The following MYO16 variants were observed in gnomAD, a reference collection of about 807,000 sequenced individuals.
MYO16 encodes the protein myosin XVI.
Under a neutral mutation model 205.3 loss-of-function variants are expected in MYO16, and 94 were observed. That is an observed-to-expected ratio of 0.46 (90% CI 0.39 to 0.54). The LOEUF (loss-of-function observed/expected upper bound fraction) is 0.54. Ranked by LOEUF, MYO16 falls within the 20% of genes least tolerant of loss-of-function variation. The pLI is 0.00. For missense variants in MYO16, 2,315 were observed against 2,387.5 expected (o/e 0.97, Z 0.63); for synonymous variants, 988 against 954.0 (o/e 1.04, Z -0.66).
At chr13:108,688,521 A>G (rs1237277873) in intron 2 of MYO16, among the ~76,000 whole-genome samples, 5 of 152,146 alleles carry the variant, frequency 3.3e-5, no homozygotes, top group Admixed American at 3.3e-4. Flanking sequence ...TACTCAAATG[A>G]TTACATGCTT....
chr13:108,706,561 A>G (rs895844711), intron 2 of MYO16, among the ~76,000 whole-genome samples: 3 of 152,240 alleles, frequency 2.0e-5, no homozygotes, highest in Admixed American at 6.5e-5. Context: ...CGTCTTCTCC[A>G]GTACCAGTGC....
At chr13:109,118,185 T>C (rs1202465086) in intron 28 of MYO16, among the ~76,000 whole-genome samples, 2 of 152,218 alleles carry the variant, frequency 1.3e-5, no homozygotes, top group African/African-American at 4.8e-5. Flanking sequence ...CTTTTTTCTC[T>C]AAAGCTGTTT....
intron 13 of MYO16, among the ~76,000 whole-genome samples, chr13:108,884,624 G>T (rs555565412): frequency 6.8e-6 from 1 of 147,866 alleles, no homozygotes; most frequent in African/African-American, 2.5e-5. Context: ...TGAGAAGGGC[G>T]TCAAGGTGGG....
chr13:108,539,042 A>G, the MYO16 span, among the ~76,000 whole-genome samples: 1 of 152,006 alleles, frequency 6.6e-6, no homozygotes, highest in Non-Finnish European at 1.5e-5. Flanking sequence ...TTTCCCTGTG[A>G]GATGCATCAC....
intron 33 of MYO16, among the ~76,000 whole-genome samples, chr13:109,173,837 G>C (rs1460640515): frequency 7.6e-6 from 1 of 130,956 alleles, no homozygotes; most frequent in East Asian, 2.6e-4. Flanking sequence ...GCAGTGAGCC[G>C]AGATCGCGCC....
chr13:108,496,018 C>T, the MYO16 span, among the ~76,000 whole-genome samples: 1 of 152,120 alleles, frequency 6.6e-6, no homozygotes, highest in Non-Finnish European at 1.5e-5. Flanking sequence ...GGCGCAGAGG[C>T]TGTTCTGCAC....
At position 109,141,184 on chromosome 13, in the gene MYO16, C is replaced by A. The variant is rs1346181369; in HGVS notation, c.4972C>A (p.Pro1658Thr). ...AGPCSSFPKI[P>T]YSPVKATRAD... ...GCCCTGCAGCTCCTTCCCCAAGATC[C>A]CATATTCCCCCGTGAAGGCCACCAG... The change falls in exon 32 of 35, where the codon CCA becomes ACA. Residue 1658 changes from proline (P) to threonine (T), a missense_variant. Physicochemically the swap from Pro to Thr is conservative, Grantham distance 38. This residue lies in a region of MYO16 where 1,097 missense variants were observed against 1,092.0 expected (regional missense o/e 1.00). Transcript: ENST00000457511. The surrounding 1 kb of genome is among the most constrained non-coding windows in gnomAD (Gnocchi z 4.1). The A allele has an allele frequency of 6.2e-7, 1 of 1,608,286 alleles. No homozygotes were observed. The highest frequency in any genetic ancestry group is 1.7e-5 in the Admixed American group (1 of 59,704).
chr13:108,623,138 G>T (rs572806384), intron 1 of MYO16, among the ~76,000 whole-genome samples: 19 of 152,236 alleles, frequency 1.2e-4, no homozygotes, highest in Non-Finnish European at 7.4e-5. Flanking sequence ...ATGCTTTTAT[G>T]TAATCACCAT....
intron 4 of MYO16, among the ~76,000 whole-genome samples, chr13:108,767,575 G>A (rs866174299): frequency 7.2e-5 from 11 of 152,200 alleles, no homozygotes; most frequent in African/African-American, 2.4e-4. Context: ...AGTATTCTGG[G>A]AATACCATTT....
intron 4 of MYO16, among the ~76,000 whole-genome samples, chr13:108,743,218 C>G (rs1566582279): frequency 6.6e-6 from 1 of 151,952 alleles, no homozygotes; most frequent in Non-Finnish European, 1.5e-5. Flanking sequence ...ACCAATGTTA[C>G]TGACTCATCT....
intron 27 of MYO16, among the ~76,000 whole-genome samples, chr13:109,084,229 G>C (rs531279415): frequency 2.7e-4 from 41 of 152,306 alleles, no homozygotes; most frequent in African/African-American, 9.4e-4. Context: ...CAATCATGTA[G>C]GGTGCAGTAG....
chr13:109,027,993 G>A (rs1886420262), intron 23 of MYO16, among the ~76,000 whole-genome samples: 1 of 151,998 alleles, frequency 6.6e-6, no homozygotes, highest in Admixed American at 6.6e-5. Flanking sequence ...AAAAAAAACA[G>A]AGTCAATTCT....
At chr13:109,085,693 T>C (rs556587185) in intron 27 of MYO16, among the ~76,000 whole-genome samples, 8 of 152,186 alleles carry the variant, frequency 5.3e-5, no homozygotes, top group Non-Finnish European at 1.2e-4. Context: ...AAAGACATGC[T>C]GGGAGAGCCA....
chr13:108,833,453 T>C (rs1407496819), intron 9 of MYO16, among the ~76,000 whole-genome samples: 1 of 152,184 alleles, frequency 6.6e-6, no homozygotes, highest in African/African-American at 2.4e-5. Context: ...AGGAGTAACG[T>C]TGAGAACTGT....
chr13:109,080,272 A>T (rs2139668228), intron 27 of MYO16, among the ~76,000 whole-genome samples: 1 of 152,274 alleles, frequency 6.6e-6, no homozygotes, highest in East Asian at 1.9e-4. Flanking sequence ...GATTATGTAT[A>T]CCACCTTTTC....
intron 4 of MYO16, among the ~76,000 whole-genome samples, chr13:108,735,002 C>T (rs776307450): frequency 1.1e-4 from 16 of 152,166 alleles, no homozygotes; most frequent in Non-Finnish European, 2.2e-4. Flanking sequence ...TAGAACCCCA[C>T]GCCACCACTC....
At chr13:109,009,369 A>G (rs1467376104) in intron 22 of MYO16, among the ~76,000 whole-genome samples, 1 of 152,196 alleles carries the variant, frequency 6.6e-6, no homozygotes, top group Admixed American at 6.6e-5. Flanking sequence ...ATAAAATAAT[A>G]CCTAAGATTA....
At chr13:108,845,638 G>A (rs1271830458) in intron 10 of MYO16, among the ~76,000 whole-genome samples, 4 of 152,124 alleles carry the variant, frequency 2.6e-5, no homozygotes, top group African/African-American at 7.2e-5. Context: ...AGGGATGGGG[G>A]CTTCCACATA....
At chr13:108,879,690 C>T (rs75615426) in intron 12 of MYO16, among the ~76,000 whole-genome samples, 2 of 152,194 alleles carry the variant, frequency 1.3e-5, no homozygotes, top group South Asian at 2.1e-4. Flanking sequence ...AGGACATGAA[C>T]TCATCCTTTT....
Sources: gnomAD v4.1 joint callset for allele counts (sites outside exome capture counted in the v4.1 genomes callset) on GRCh38, gnomAD v4.1.1 for gene constraint, gnomAD v4.1.1 regional missense constraint, Gnocchi (gnomAD v3.1) non-coding constraint, MANE v1.5 for transcripts, NCBI Gene and HGNC (gene_info 2026-07-23, HGNC 2026-07-21) for gene names.